LCOR: variants seen among roughly 807,000 people sequenced by gnomAD.
LCOR encodes the protein ligand dependent nuclear receptor corepressor.
A neutral mutation model predicts 64.4 loss-of-function variants in LCOR; 14 were observed. The ratio of observed to expected loss-of-function variants is 0.22; its 90% CI spans 0.14 to 0.34. LCOR has a LOEUF of 0.34. Ranked by LOEUF, LCOR falls within the 10% of genes least tolerant of loss-of-function variation. The pLI is 1.00. For missense variants in LCOR, 1,686 were observed against 1,765.3 expected (o/e 0.96, Z 0.80); for synonymous variants, 643 against 642.5 (o/e 1.00, Z -0.01).
In LCOR at chr10:96,981,302, T is replaced by G. The variant is rs573183510; in HGVS notation, c.842T>G (p.Phe281Cys). Residue 281 changes from phenylalanine to cysteine, a missense_variant, in exon 8 of 8, where the codon TTC (phenylalanine) becomes TGC (cysteine). Physicochemically the swap from Phe to Cys is radical, Grantham distance 205. Around this residue, in one of 3 missense-constraint regions of LCOR, gnomAD observed 313 missense variants for 247.2 expected, o/e 1.27. Coordinates refer to ENST00000421806, the MANE Select transcript of LCOR (RefSeq NM_001346516.2). Reference protein sequence around the residue: ...LTASNCSSVNFHHIPKILEGQ... With the variant: ...LTASNCSSVNCHHIPKILEGQ... Reference sequence around the variant, plus strand: ...GCATCTAATTGTTCCTCAGTGAACTTCCACCACATCCCTAAAATCTTGGAG... The same window carrying G: ...GCATCTAATTGTTCCTCAGTGAACTGCCACCACATCCCTAAAATCTTGGAG... 1.2e-5 allele frequency: 18 copies of G among 1,534,966 alleles called. No homozygotes were observed. The East Asian group carries it at 3.6e-4, about 31-fold the overall frequency.
At chr10:96,860,120 A>G (rs548073048) in intron 2 of LCOR, among the ~76,000 whole-genome samples, 2 of 152,322 alleles carry the variant, frequency 1.3e-5, no homozygotes, top group East Asian at 3.9e-4. Flanking sequence ...GCAAAAATTG[A>G]TAAATATTCT....
At chr10:96,971,910 A>T (rs1446074932) in intron 7 of LCOR, among the ~76,000 whole-genome samples, 1 of 152,218 alleles carries the variant, frequency 6.6e-6, no homozygotes, top group Non-Finnish European at 1.5e-5. Flanking sequence ...GTGCCTACAC[A>T]TTCAGTTACA....
chr10:96,889,945 T>C (rs1196692022), intron 2 of LCOR, among the ~76,000 whole-genome samples: 1 of 152,212 alleles, frequency 6.6e-6, no homozygotes, highest in African/African-American at 2.4e-5. Context: ...TGCTGGGTCA[T>C]TTGGTAATTC....
chr10:96,934,831 C>G (rs1484370225), intron 4 of LCOR, among the ~76,000 whole-genome samples: 1 of 152,066 alleles, frequency 6.6e-6, no homozygotes, highest in South Asian at 2.1e-4. Flanking sequence ...CAAACTCCTG[C>G]CATCAAATGA....
intron 4 of LCOR, among the ~76,000 whole-genome samples, chr10:96,933,570 G>A (rs1847299665): frequency 1.3e-5 from 2 of 152,156 alleles, no homozygotes; most frequent in Admixed American, 6.5e-5. Flanking sequence ...GCCCAGGCTG[G>A]AGTGGAGTGG....
intron 4 of LCOR, among the ~76,000 whole-genome samples, chr10:96,917,642 TGTA>T (rs1846977633): frequency 6.6e-6 from 1 of 152,160 alleles, no homozygotes; most frequent in Non-Finnish European, 1.5e-5. Context: ...GTTTTTAGGA[TGTA>T]GTACAGAAGG....
chr10:96,970,842 C>A (rs930924625), intron 7 of LCOR, among the ~76,000 whole-genome samples: 1 of 151,834 alleles, frequency 6.6e-6, no homozygotes, highest in Admixed American at 6.6e-5. Flanking sequence ...TGGTCTCGAA[C>A]TCCTGAGCTC....
chr10:96,847,566 C>T (rs539649170), intron 2 of LCOR, among the ~76,000 whole-genome samples: 2 of 152,220 alleles, frequency 1.3e-5, no homozygotes, highest in East Asian at 1.9e-4. Context: ...GTCAGACTCC[C>T]GAGTAGCTGC....
intron 1 of LCOR, 146 bp from the exon 2 acceptor site, chr10:96,833,260 C>A: frequency 3.1e-6 from 3 of 953,782 alleles, no homozygotes; most frequent in Non-Finnish European, 3.7e-6. Context: ...GCCCCGTCCG[C>A]CCCCCGCCTC....
At position 96,982,654 on chromosome 10, in the gene LCOR, G is replaced by A. The variant is rs1476878640; in HGVS notation, c.2194G>A (p.Glu732Lys). Residue 732 changes from glutamate to lysine, a missense_variant, in exon 8 of 8, where the codon GAG becomes AAG. Coordinates refer to ENST00000421806, the MANE Select transcript of LCOR (RefSeq NM_001346516.2). ...KAEDNQSISA[E>K]VESGDTQELN... ...TGAGGACAACCAAAGCATCAGTGCTGAGGTTGAGTCTGGAGACACCCAGGA... is the reference window on the plus strand; with the variant it reads ...TGAGGACAACCAAAGCATCAGTGCTAAGGTTGAGTCTGGAGACACCCAGGA... The A allele has an allele frequency of 1.2e-6, 2 of 1,614,054 alleles. No homozygotes were observed. Among genetic ancestry groups the A allele is most frequent in the East Asian group, 2.2e-5 (1 of 44,896 alleles).
chr10:96,845,650 G>A (rs1845616630), intron 2 of LCOR, among the ~76,000 whole-genome samples: 1 of 150,496 alleles, frequency 6.6e-6, no homozygotes, highest in African/African-American at 2.4e-5. Flanking sequence ...TGTATTTTTA[G>A]TAGAGACGGG....
intron 2 of LCOR, among the ~76,000 whole-genome samples, chr10:96,850,079 T>C (rs1845700138): frequency 6.6e-6 from 1 of 152,132 alleles, no homozygotes; most frequent in Non-Finnish European, 1.5e-5. Flanking sequence ...ATATATGACC[T>C]GAAAAATACA....
In LCOR at chr10:96,883,984, T is replaced by C. The variant is rs77073816; in HGVS notation, c.-329-23281T>C. 3.2e-3 allele frequency among the ~76,000 whole-genome samples: 485 copies of C among 152,312 alleles called. 1 individual carries two copies. The highest frequency in any genetic ancestry group is 5.8e-3 in the Non-Finnish European group (395 of 68,028). On this transcript the variant is annotated intron_variant, in intron 2 of 7. Coordinates refer to ENST00000421806, the MANE Select transcript of LCOR (RefSeq NM_001346516.2). ...TAGATAGCTCACAGATACAATAATA[T>C]ATGGTTATTACATATACCATATAAC...
chr10:96,921,882 C>T (rs932844325), intron 4 of LCOR, among the ~76,000 whole-genome samples: 1 of 152,290 alleles, frequency 6.6e-6, no homozygotes, highest in East Asian at 1.9e-4. Context: ...CACATCTGAG[C>T]GTTTATTTCT....
rs1848094590 is a variant in LCOR at position 96,982,173 on chromosome 10, A to T, written c.1713A>T (p.Glu571Asp). ...REDNPEEPSK[E>D]ITSHEEGGGD... ...ACAACCCTGAAGAACCTAGCAAGGA[A>T]ATCACCTCTCACGAGGAAGGAGGTG... is the stretch of plus-strand genomic sequence containing the variant. The change falls in exon 8 of 8, where the codon GAA (glutamate) becomes GAT (aspartate). Residue 571 changes from glutamate to aspartate, a missense_variant. Physicochemically the swap from Glu to Asp is conservative, Grantham distance 45. This residue lies in a region of LCOR where 1,293 missense variants were observed against 1,410.4 expected (regional missense o/e 0.92). Coordinates refer to ENST00000421806, the MANE Select transcript of LCOR (RefSeq NM_001346516.2). The T allele has an allele frequency of 8.7e-6, 14 of 1,614,072 alleles. No homozygotes were observed. The highest frequency in any genetic ancestry group is 1.1e-5 in the Non-Finnish European group (13 of 1,180,028).
chr10:96,982,532 C>G lies in LCOR; in HGVS notation c.2072C>G (p.Ser691Cys). Residue 691 changes from serine to cysteine, a missense_variant, in exon 8 of 8, where the codon TCT becomes TGT. Coordinates refer to ENST00000421806, the MANE Select transcript of LCOR (RefSeq NM_001346516.2). ...GAAGATGTCATTTCTAGGCCTCATT[C>G]TCCTCCTGAAATAGTCAGTAGAGAA... ...VSEDVISRPH[S>C]PPEIVSREES... 1 of 1,614,198 alleles carries G rather than the reference C, an allele frequency of 6.2e-7. No homozygotes were observed. The highest frequency in any genetic ancestry group is 8.5e-7 in the Non-Finnish European group (1 of 1,180,040).
At chr10:96,888,981 G>A (rs375849175) in intron 2 of LCOR, among the ~76,000 whole-genome samples, 9 of 152,206 alleles carry the variant, frequency 5.9e-5, no homozygotes, top group Middle Eastern at 3.4e-3. Context: ...TGTATCTTCC[G>A]TTATTTCACT....
In LCOR at chr10:96,987,251, AT is replaced by A. The variant is rs1422880265; in HGVS notation, c.*2118del. The A allele has an allele frequency of 6.6e-6, 1 of 152,230 alleles. No individual in the cohort carries two copies. The highest frequency in any genetic ancestry group is 1.5e-5 in the Non-Finnish European group (1 of 68,042). The allele number at this position is 152,230 out of a possible 1,614,324, so 9.4% of individuals were successfully genotyped here. A position where few individuals can be genotyped will look rare whatever the true frequency, so the allele number is the denominator to read the frequency against. ...TAAGGTTTTAAAAATGTCTTTTCAT[AT>A]AGTTGTCACTGGATATTGTGTTTGT... On this transcript the variant is annotated 3_prime_UTR_variant, in exon 8 of 8. Coordinates refer to ENST00000421806, the MANE Select transcript of LCOR (RefSeq NM_001346516.2).
At chr10:96,957,422 G>T in intron 7 of LCOR, 4 of 985,148 alleles carry the variant, frequency 4.1e-6, no homozygotes, top group Non-Finnish European at 4.8e-6. Flanking sequence ...AATAAGCAAA[G>T]CCCATGGAAT....
Sources: gnomAD v4.1 joint callset for allele counts (sites outside exome capture counted in the v4.1 genomes callset) on GRCh38, gnomAD v4.1.1 for gene constraint, gnomAD v4.1.1 regional missense constraint, MANE v1.5 for transcripts, NCBI Gene and HGNC (gene_info 2026-07-23, HGNC 2026-07-21) for gene names.